The following OR56B2 variants were observed in gnomAD, a reference collection of about 807,000 sequenced individuals.
OR56B2 encodes the protein olfactory receptor family 56 subfamily B member 2.
chr11:5,761,196 A>G, the OR56B2 span: 3 of 152,200 alleles, frequency 2.0e-5, no homozygotes, highest in East Asian at 1.9e-4. Context: ...CTCTGGGTAT[A>G]CTGAAGATCA....
chr11:5,762,815 A>ATATATTTAAAGAAATATATTTAAAGAAAG, the OR56B2 span, among the ~76,000 whole-genome samples: 1 of 152,080 alleles, frequency 6.6e-6, no homozygotes, highest in African/African-American at 2.4e-5. Context: ...ATTTAAAGAA[A>ATATATTTAAAGAAATATATTTAAAGAAAG]TATATTTAAA....
At chr11:5,767,816 C>T in the OR56B2 span, among the ~76,000 whole-genome samples, 16 of 138,956 alleles carry the variant, frequency 1.2e-4, 1 homozygote, top group African/African-American at 4.2e-4. Context: ...ACACAAAAGG[C>T]CACCTAGTAT....
chr11:5,768,094 G>A, the OR56B2 span, among the ~76,000 whole-genome samples: 152 of 138,156 alleles, frequency 1.1e-3, 30 homozygotes, highest in Non-Finnish European at 8.8e-4. Context: ...TTTGATACAT[G>A]GATGTATATC....
At chr11:5,763,435 T>A in the OR56B2 span, among the ~76,000 whole-genome samples, 32 of 125,352 alleles carry the variant, frequency 2.6e-4, 8 homozygotes, top group African/African-American at 9.2e-4. Context: ...TACCTCAGCC[T>A]CCTGAGTAAC....
chr11:5,763,023 G>A, the OR56B2 span, among the ~76,000 whole-genome samples: 1 of 151,704 alleles, frequency 6.6e-6, no homozygotes, highest in Non-Finnish European at 1.5e-5. Flanking sequence ...TCTTATCTAA[G>A]AATACCCGAT....
the OR56B2 span, chr11:5,765,784 T>G: frequency 2.1e-5 from 3 of 140,520 alleles, no homozygotes; most frequent in African/African-American, 7.8e-5. Flanking sequence ...GCTCTAATAC[T>G]TTACTCTGTC....
chr11:5,763,233 T>C, the OR56B2 span, among the ~76,000 whole-genome samples: 1 of 152,192 alleles, frequency 6.6e-6, no homozygotes, highest in African/African-American at 2.4e-5. Flanking sequence ...TGATGAGATA[T>C]CCGCTATACT....
At chr11:5,763,841 C>T in the OR56B2 span, among the ~76,000 whole-genome samples, 4 of 140,038 alleles carry the variant, frequency 2.9e-5, 2 homozygotes, top group Non-Finnish European at 6.3e-5. Flanking sequence ...ATGACCTACA[C>T]ACTGATATAT....
the OR56B2 span, among the ~76,000 whole-genome samples, chr11:5,768,658 G>A: frequency 4.3e-5 from 6 of 139,308 alleles, 1 homozygote; most frequent in Non-Finnish European, 6.3e-5. Context: ...CATAGAGGTC[G>A]TACTAATTTA....
At chr11:5,762,431 G>A in the OR56B2 span, among the ~76,000 whole-genome samples, 1 of 152,032 alleles carries the variant, frequency 6.6e-6, no homozygotes, top group Non-Finnish European at 1.5e-5. Flanking sequence ...GTTGTTTTAT[G>A]AAATTTATGA....
chr11:5,764,863 T>C, the OR56B2 span, among the ~76,000 whole-genome samples: 2 of 139,552 alleles, frequency 1.4e-5, no homozygotes, highest in African/African-American at 5.2e-5. Context: ...ATACCTTAGA[T>C]ATGAGAAAAT....
chr11:5,763,749 T>C, the OR56B2 span, among the ~76,000 whole-genome samples: 8 of 140,742 alleles, frequency 5.7e-5, no homozygotes, highest in African/African-American at 2.6e-5. Flanking sequence ...ATTAAGTGTC[T>C]GTCTCTTGGG....
chr11:5,766,753 T>C, the OR56B2 span: 3 of 139,698 alleles, frequency 2.1e-5, 1 homozygote, highest in African/African-American at 5.2e-5. Context: ...TGCAAGTATA[T>C]GGATACACTG....
chr11:5,768,216 C>G, the OR56B2 span, among the ~76,000 whole-genome samples: 1 of 138,066 alleles, frequency 7.2e-6, no homozygotes, highest in East Asian at 2.1e-4. Context: ...TCCTCATTCC[C>G]CTTCCATCTG....
chr11:5,761,881 T>C, the OR56B2 span, among the ~76,000 whole-genome samples: 12 of 152,240 alleles, frequency 7.9e-5, no homozygotes, highest in African/African-American at 2.4e-4. Flanking sequence ...TCCTAGAGGC[T>C]AAGACTTTTG....
At chr11:5,763,374 T>C in the OR56B2 span, among the ~76,000 whole-genome samples, 8 of 90,630 alleles carry the variant, frequency 8.8e-5, 1 homozygote, top group African/African-American at 3.1e-4. Context: ...AGTGCAGTGG[T>C]ACCATCTCAG....
the OR56B2 span, chr11:5,761,204 T>C: frequency 1.3e-5 from 2 of 152,150 alleles, no homozygotes; most frequent in African/African-American, 4.8e-5. Flanking sequence ...ATACTGAAGA[T>C]CACTACATAT....
At chr11:5,763,729 T>C in the OR56B2 span, among the ~76,000 whole-genome samples, 130 of 140,646 alleles carry the variant, frequency 9.2e-4, 18 homozygotes, top group African/African-American at 3.0e-3. Context: ...ATAATATAAA[T>C]TGAGTGCTTA....
the OR56B2 span, among the ~76,000 whole-genome samples, chr11:5,762,862 T>C: frequency 1.3e-5 from 2 of 152,132 alleles, no homozygotes; most frequent in African/African-American, 4.8e-5. Flanking sequence ...CATTTTCTAC[T>C]AGAATTTCAA....
Sources: allele counts gnomAD v4.1 joint callset (sites outside exome capture counted in the v4.1 genomes callset), GRCh38; gene constraint gnomAD v4.1.1; transcripts MANE v1.5; gene names NCBI Gene and HGNC (gene_info 2026-07-23, HGNC 2026-07-21).